TACR3: variants seen among roughly 807,000 people sequenced by gnomAD.
The protein encoded by TACR3 is neuromedin-K receptor.
In TACR3, 34 loss-of-function variants were observed where a neutral mutation model predicts 35.0. The ratio of observed to expected loss-of-function variants is 0.97; its 90% CI spans 0.74 to 1.30. The LOEUF (loss-of-function observed/expected upper bound fraction) is 1.30. TACR3 is among the 50% of genes most tolerant of loss of function. The pLI is 0.00. For synonymous variants in TACR3, 233 were observed against 221.1 expected (o/e 1.05, Z -0.48); for missense variants, 558 against 591.7 (o/e 0.94, Z 0.59).
Position 103,589,714 on chromosome 4 carries a change from A to C in TACR3, c.1366T>G (p.Ser456Ala), listed in dbSNP as rs1560796518. 5.0e-6 allele frequency: 8 copies of C among 1,613,852 alleles called. No homozygotes were observed. The highest frequency in any genetic ancestry group is 6.8e-6 in the Non-Finnish European group (8 of 1,179,890). Residue 456 changes from serine to alanine, a missense_variant, in exon 5 of 5, where the codon TCA becomes GCA. Coordinates refer to ENST00000304883, the MANE Select transcript of TACR3 (RefSeq NM_001059.3). The part of the protein sequence containing the change: ...SASATSSFIS[S>A]PYTSVDEYS Reference sequence around the variant, plus strand: ...TATTCATCCACAGAGGTATAGGGTGAGCTTATGAAACTTGAAGTGGCGGAG... The same window carrying C: ...TATTCATCCACAGAGGTATAGGGTGCGCTTATGAAACTTGAAGTGGCGGAG...
At chr4:103,638,492 A>G (rs1180973103) in intron 3 of TACR3, among the ~76,000 whole-genome samples, 1 of 151,998 alleles carries the variant, frequency 6.6e-6, no homozygotes, top group African/African-American at 2.4e-5. Flanking sequence ...AAACCCTAGA[A>G]GAAAACCTAG....
chr4:103,660,123 C>T (rs1725810611), intron 1 of TACR3, among the ~76,000 whole-genome samples: 1 of 151,800 alleles, frequency 6.6e-6, no homozygotes, highest in South Asian at 2.1e-4. Context: ...GTTGTTGTAA[C>T]TACTGGGCAG....
chr4:103,649,903 G>A (rs1216541104), intron 3 of TACR3, among the ~76,000 whole-genome samples: 1 of 152,068 alleles, frequency 6.6e-6, no homozygotes, highest in African/African-American at 2.4e-5. Context: ...GGTCATGGAT[G>A]TTTGTCTGTG....
chr4:103,607,122 A>G (rs972455706), intron 3 of TACR3, among the ~76,000 whole-genome samples: 16 of 152,198 alleles, frequency 1.1e-4, no homozygotes, highest in African/African-American at 3.9e-4. Flanking sequence ...AAACAGAGCC[A>G]AGGACAAAAA....
intron 1 of TACR3, among the ~76,000 whole-genome samples, chr4:103,700,017 T>C (rs1004883319): frequency 7.2e-5 from 11 of 152,178 alleles, no homozygotes; most frequent in Admixed American, 7.2e-4. Flanking sequence ...CCCATACCTA[T>C]ACAACATCTA....
intron 1 of TACR3, among the ~76,000 whole-genome samples, chr4:103,680,489 A>T (rs1444103227): frequency 2.3e-4 from 32 of 141,318 alleles, no homozygotes; most frequent in Admixed American, 7.1e-4. Flanking sequence ...ATATATATAC[A>T]TACATACACA....
At chr4:103,646,581 T>G (rs1247043612) in intron 3 of TACR3, among the ~76,000 whole-genome samples, 1 of 152,004 alleles carries the variant, frequency 6.6e-6, no homozygotes, top group Admixed American at 6.6e-5. Flanking sequence ...ACAAGGCCAG[T>G]GTTGTAGATA....
chr4:103,609,708 C>G (rs935493900), intron 3 of TACR3, among the ~76,000 whole-genome samples: 2 of 151,948 alleles, frequency 1.3e-5, no homozygotes, highest in African/African-American at 4.8e-5. Flanking sequence ...ACTTATTCTT[C>G]CTATCGAACT....
intron 3 of TACR3, among the ~76,000 whole-genome samples, chr4:103,621,195 T>G (rs1356348907): frequency 6.6e-6 from 1 of 152,124 alleles, no homozygotes; most frequent in Non-Finnish European, 1.5e-5. Flanking sequence ...TGAGAGCAAT[T>G]GAAAAGCAGT....
chr4:103,598,024 C>A (rs958682377), intron 3 of TACR3, among the ~76,000 whole-genome samples: 2 of 152,174 alleles, frequency 1.3e-5, no homozygotes, highest in African/African-American at 4.8e-5. Context: ...TGAGGAATCG[C>A]CACACCGACT....
At chr4:103,600,345 T>C (rs1724165076) in intron 3 of TACR3, among the ~76,000 whole-genome samples, 1 of 152,162 alleles carries the variant, frequency 6.6e-6, no homozygotes, top group African/African-American at 2.4e-5. Flanking sequence ...TTCTTCTCTC[T>C]TTTCTTCTTT....
At chr4:103,686,961 C>G (rs556267557) in intron 1 of TACR3, among the ~76,000 whole-genome samples, 4 of 152,260 alleles carry the variant, frequency 2.6e-5, no homozygotes, top group African/African-American at 9.6e-5. Flanking sequence ...AATTTTAGAC[C>G]AATGTCCTTG....
At chr4:103,633,175 A>T (rs750800528) in intron 3 of TACR3, among the ~76,000 whole-genome samples, 5 of 152,112 alleles carry the variant, frequency 3.3e-5, no homozygotes, top group Non-Finnish European at 7.4e-5. Flanking sequence ...ATCATCAGAT[A>T]GCTAACTATA....
intron 3 of TACR3, among the ~76,000 whole-genome samples, chr4:103,605,748 T>C (rs1460249829): frequency 6.6e-6 from 1 of 151,538 alleles, no homozygotes; most frequent in African/African-American, 2.4e-5. Context: ...GAGTAGGTTG[T>C]GAAAATTTTC....
At chr4:103,629,155 T>A (rs1487601563) in intron 3 of TACR3, among the ~76,000 whole-genome samples, 2 of 152,152 alleles carry the variant, frequency 1.3e-5, no homozygotes, top group Admixed American at 1.3e-4. Flanking sequence ...TAATCAGAGC[T>A]ATTTATGACA....
chr4:103,605,324 G>A (rs556001293), intron 3 of TACR3, among the ~76,000 whole-genome samples: 2 of 105,340 alleles, frequency 1.9e-5, no homozygotes, highest in African/African-American at 3.5e-5. Context: ...ATGATTTATA[G>A]TCCTTTGGGT....
intron 1 of TACR3, among the ~76,000 whole-genome samples, chr4:103,712,417 C>G (rs1323822124): frequency 6.6e-6 from 1 of 152,122 alleles, no homozygotes; most frequent in Non-Finnish European, 1.5e-5. Flanking sequence ...AATTGGCTAG[C>G]CATATGTAGA....
chr4:103,602,292 T>G (rs1365468693), intron 3 of TACR3, among the ~76,000 whole-genome samples: 1 of 152,132 alleles, frequency 6.6e-6, no homozygotes, highest in Non-Finnish European at 1.5e-5. Context: ...TTTGTCTAAT[T>G]TTTTTTCAAA....
At chr4:103,646,694 T>C (rs1725462786) in intron 3 of TACR3, among the ~76,000 whole-genome samples, 1 of 151,976 alleles carries the variant, frequency 6.6e-6, no homozygotes, top group African/African-American at 2.4e-5. Context: ...TATAGGAGAA[T>C]GTGACTACAT....
Sources: gnomAD v4.1 joint callset for allele counts (sites outside exome capture counted in the v4.1 genomes callset) on GRCh38, gnomAD v4.1.1 for gene constraint, MANE v1.5 for transcripts, NCBI Gene and HGNC (gene_info 2026-07-23, HGNC 2026-07-21) for gene names.